Variants in KANSL1L observed in about 807,000 individuals in gnomAD.
The protein encoded by KANSL1L is KAT8 regulatory NSL complex subunit 1-like protein.
Under a neutral mutation model 108.6 loss-of-function variants are expected in KANSL1L, and 25 were observed. The ratio of observed to expected loss-of-function variants is 0.23; its 90% CI spans 0.17 to 0.32. KANSL1L has a LOEUF of 0.32. Among genes scored for constraint, KANSL1L ranks in the 10% least tolerant of loss-of-function variants. KANSL1L has a pLI of 1.00. For synonymous variants in KANSL1L, 405 were observed against 395.1 expected, an observed-to-expected ratio of 1.03 and a Z score of -0.30; for missense variants, 1,137 against 1,125.7, an observed-to-expected ratio of 1.01 and a Z score of -0.14.
chr2:210,094,469 G>A (rs963348365), intron 5 of KANSL1L, among the ~76,000 whole-genome samples: 2 of 152,078 alleles, frequency 1.3e-5, no homozygotes, highest in East Asian at 3.9e-4. Context: ...AATAACAAAG[G>A]TATTGGAAAA....
At position 210,022,456 on chromosome 2, in the gene KANSL1L, A is replaced by AGTGT. The variant is rs1296083387; in HGVS notation, c.*489_*492dup. On this transcript the variant is annotated 3_prime_UTR_variant, in exon 15 of 15. Transcript: ENST00000281772. ...TTTCCAAGGGGAGTGGGTCATTGCC[A>AGTGT]GTGTTTTAAAAACTACATAGGGGTG... The AGTGT allele has an allele frequency of 6.5e-6, 1 of 154,518 alleles. No individual in the cohort carries two copies. Among genetic ancestry groups the AGTGT allele is most frequent in the East Asian group, 1.9e-4 (1 of 5,242 alleles). The allele number at this position is 154,518 out of a possible 1,614,324, so 9.6% of individuals were successfully genotyped here. A position where few individuals can be genotyped will look rare whatever the true frequency, so the allele number is the denominator to read the frequency against.
chr2:210,156,981 T>C lies in KANSL1L; in HGVS notation c.-29-2370A>G, dbSNP rs1016983843. Reference sequence around the variant, plus strand: ...TAAGCAAATAGATTCCCATTTATCCTAAATGCAAAAAAAAAAAGAAAAAAA... The same window carrying C: ...TAAGCAAATAGATTCCCATTTATCCCAAATGCAAAAAAAAAAAGAAAAAAA... On this transcript the variant is annotated intron_variant, in intron 1 of 14. Transcript: ENST00000281772. Among the ~76,000 whole-genome samples, 5 of 123,676 alleles carry C rather than the reference T, an allele frequency of 4.0e-5. 1 individual carries two copies. Among genetic ancestry groups the C allele is most frequent in the South Asian group, 5.7e-4 (2 of 3,484 alleles). The allele number at this position is 123,676 out of a possible 152,430, so 81.1% of individuals were successfully genotyped here.
chr2:210,082,343 T>C (rs1466378477), intron 5 of KANSL1L, among the ~76,000 whole-genome samples: 1 of 152,188 alleles, frequency 6.6e-6, no homozygotes, highest in Non-Finnish European at 1.5e-5. Context: ...TTTTAGACAT[T>C]TGGAATCTAA....
intron 1 of KANSL1L, among the ~76,000 whole-genome samples, chr2:210,166,065 G>C (rs1322072477): frequency 6.6e-6 from 1 of 152,076 alleles, no homozygotes; most frequent in African/African-American, 2.4e-5. Flanking sequence ...TGCGATTTCA[G>C]GTACCACTGG....
intron 8 of KANSL1L, among the ~76,000 whole-genome samples, chr2:210,036,186 T>TATA (rs1424827945): frequency 6.6e-6 from 1 of 152,116 alleles, no homozygotes; most frequent in Non-Finnish European, 1.5e-5. Flanking sequence ...ATCTTCTTTA[T>TATA]ATAATTTCTT....
chr2:210,116,901 A>C (rs572235320), intron 3 of KANSL1L, among the ~76,000 whole-genome samples: 2 of 152,354 alleles, frequency 1.3e-5, no homozygotes, highest in East Asian at 3.9e-4. Context: ...TAAATAGGGC[A>C]CCAAAGACCA....
chr2:210,059,963 G>A (rs1490699330), intron 6 of KANSL1L, among the ~76,000 whole-genome samples: 3 of 152,028 alleles, frequency 2.0e-5, no homozygotes, highest in African/African-American at 4.8e-5. Context: ...GGTTGGTCTC[G>A]AATTCCTGAC....
intron 5 of KANSL1L, among the ~76,000 whole-genome samples, chr2:210,079,648 A>ATATGTATGTG (rs1553653239): frequency 0.014 from 215 of 15,178 alleles, 13 homozygotes; most frequent in African/African-American, 0.028. Context: ...ATATATATAT[A>ATATGTATGTG]TATATATATA....
At chr2:210,109,969 G>C (rs2094888503) in intron 3 of KANSL1L, among the ~76,000 whole-genome samples, 1 of 152,040 alleles carries the variant, frequency 6.6e-6, no homozygotes, top group South Asian at 2.1e-4. Context: ...TTAAGTCTTG[G>C]CCAGTAAAAG....
intron 6 of KANSL1L, among the ~76,000 whole-genome samples, chr2:210,050,245 A>G (rs943375885): frequency 6.6e-6 from 1 of 152,222 alleles, no homozygotes; most frequent in Non-Finnish European, 1.5e-5. Context: ...GAAAAAAGGC[A>G]TAAGAAAAGA....
intron 3 of KANSL1L, among the ~76,000 whole-genome samples, chr2:210,115,277 A>G (rs1031306810): frequency 6.6e-6 from 1 of 152,188 alleles, no homozygotes; most frequent in Non-Finnish European, 1.5e-5. Context: ...AACAGATTTT[A>G]AATTAAAAAA....
chr2:210,026,340 CTT>C (rs2093936492), intron 12 of KANSL1L: 1 of 152,158 alleles, frequency 6.6e-6, no homozygotes, highest in South Asian at 2.1e-4. Flanking sequence ...ATAATCTTAT[CTT>C]GATATAATTT....
intron 8 of KANSL1L, among the ~76,000 whole-genome samples, chr2:210,037,181 T>C (rs572074612): frequency 6.6e-6 from 1 of 152,354 alleles, no homozygotes; most frequent in African/African-American, 2.4e-5. Flanking sequence ...ATTTCATATG[T>C]ATTTCAAGTA....
chr2:210,163,589 G>A (rs1489259488), intron 1 of KANSL1L, among the ~76,000 whole-genome samples: 1 of 151,918 alleles, frequency 6.6e-6, no homozygotes, highest in Non-Finnish European at 1.5e-5. Context: ...AAAAAGAAAA[G>A]AAAATTGAAA....
chr2:210,146,632 T>C (rs2095267860), intron 2 of KANSL1L, among the ~76,000 whole-genome samples: 1 of 152,180 alleles, frequency 6.6e-6, no homozygotes, highest in South Asian at 2.1e-4. Flanking sequence ...TGATCACCTG[T>C]AGAGTTTTCT....
chr2:210,118,334 G>A (rs1308468845), intron 3 of KANSL1L, among the ~76,000 whole-genome samples: 1 of 151,370 alleles, frequency 6.6e-6, no homozygotes, highest in African/African-American at 2.4e-5. Flanking sequence ...CAGGCATGGT[G>A]GTACATGCCA....
intron 7 of KANSL1L, 121 bp from the exon 8 acceptor site, chr2:210,040,648 C>T: frequency 2.1e-6 from 1 of 486,998 alleles, no homozygotes; most frequent in Non-Finnish European, 3.7e-6. Flanking sequence ...AGAAAATAAG[C>T]AAAAGTTTGA....
At chr2:210,048,302 C>CT (rs1235011662) in intron 6 of KANSL1L, among the ~76,000 whole-genome samples, 1 of 151,958 alleles carries the variant, frequency 6.6e-6, no homozygotes, top group Non-Finnish European at 1.5e-5. Flanking sequence ...CTAAGTTAGA[C>CT]TTTCTCCTCT....
intron 5 of KANSL1L, among the ~76,000 whole-genome samples, chr2:210,091,714 A>C (rs1280862838): frequency 1.3e-5 from 2 of 152,150 alleles, no homozygotes; most frequent in Non-Finnish European, 2.9e-5. Flanking sequence ...TTAGCCCCAC[A>C]AAACATATTT....
Sources: gnomAD v4.1 joint callset for allele counts (sites outside exome capture counted in the v4.1 genomes callset) on GRCh38, gnomAD v4.1.1 for gene constraint, MANE v1.5 for transcripts, NCBI Gene and HGNC (gene_info 2026-07-23, HGNC 2026-07-21) for gene names.